TMEM132D: variants seen among roughly 807,000 people sequenced by gnomAD.
TMEM132D encodes the protein mature OL transmembrane protein.
In TMEM132D, 21 loss-of-function variants were observed where a neutral mutation model predicts 62.3. That is an observed-to-expected ratio of 0.34 (90% CI 0.24 to 0.49). The LOEUF (loss-of-function observed/expected upper bound fraction) is 0.49. Among genes scored for constraint, TMEM132D ranks in the 20% least tolerant of loss-of-function variants. The pLI is 0.99. For synonymous variants in TMEM132D, 621 were observed against 575.6 expected, an observed-to-expected ratio of 1.08 and a Z score of -1.13; for missense variants, 1,346 against 1,402.8, an observed-to-expected ratio of 0.96 and a Z score of 0.65.
At chr12:129,475,510 T>C (rs73151092) in intron 3 of TMEM132D, among the ~76,000 whole-genome samples, 136 of 152,366 alleles carry the variant, frequency 8.9e-4, no homozygotes, top group Non-Finnish European at 1.5e-3. Flanking sequence ...AAAAAGAGAA[T>C]GTGTTTTTAA....
At chr12:129,668,395 T>C (rs180786132) in intron 2 of TMEM132D, among the ~76,000 whole-genome samples, 2,227 of 151,568 alleles carry the variant, frequency 0.015, 46 homozygotes, top group African/African-American at 0.05. Context: ...TAGACTGTTG[T>C]CATCCCCAGA....
At chr12:129,831,004 C>T (rs1398016226) in intron 1 of TMEM132D, among the ~76,000 whole-genome samples, 1 of 152,134 alleles carries the variant, frequency 6.6e-6, no homozygotes, top group Admixed American at 6.6e-5. Flanking sequence ...TGGGCTCAGG[C>T]TAGGAGTTGG....
chr12:129,802,573 G>A (rs1412333621), intron 1 of TMEM132D, among the ~76,000 whole-genome samples: 14 of 99,286 alleles, frequency 1.4e-4, no homozygotes, highest in East Asian at 8.2e-4. Context: ...GGTACCAGCC[G>A]CTGCAAAATC....
intron 3 of TMEM132D, among the ~76,000 whole-genome samples, chr12:129,374,843 G>A (rs776692066): frequency 9.2e-5 from 14 of 152,178 alleles, no homozygotes; most frequent in Non-Finnish European, 1.3e-4. Context: ...CAGTGACTTC[G>A]AACACACTGG....
At chr12:129,112,627 C>T (rs945946200) in intron 5 of TMEM132D, among the ~76,000 whole-genome samples, 5 of 152,174 alleles carry the variant, frequency 3.3e-5, no homozygotes, top group African/African-American at 1.2e-4. Flanking sequence ...CATGCCGTTG[C>T]ACTCCAGCCT....
intron 1 of TMEM132D, among the ~76,000 whole-genome samples, chr12:129,891,280 A>G (rs1874914837): frequency 2.0e-5 from 3 of 152,114 alleles, no homozygotes; most frequent in African/African-American, 7.2e-5. Context: ...ATCAGACTCA[A>G]TGACCTCATC....
chr12:129,771,500 A>ATGCAGCTATTCATC, intron 1 of TMEM132D, among the ~76,000 whole-genome samples: 1 of 152,234 alleles, frequency 6.6e-6, no homozygotes, highest in East Asian at 1.9e-4. Flanking sequence ...ACTTGAATGG[A>ATGCAGCTATTCATC]TGCAGCTATT....
intron 1 of TMEM132D, among the ~76,000 whole-genome samples, chr12:129,823,025 A>G (rs1258596968): frequency 2.6e-5 from 4 of 152,186 alleles, no homozygotes; most frequent in Non-Finnish European, 5.9e-5. Flanking sequence ...CCATCCACTT[A>G]GAACTGTCCT....
chr12:129,186,876 T>C (rs10773604), intron 5 of TMEM132D, among the ~76,000 whole-genome samples: 67,640 of 152,168 alleles, frequency 0.44, 15,230 homozygotes, highest in East Asian at 0.59. Flanking sequence ...ATTTCAATTA[T>C]GAAATTTAAA....
rs1044565293 is a variant in TMEM132D at position 129,830,568 on chromosome 12, C to A, written c.79+72693G>T. ...AATGTCCCTGCCTTTCTGAATGGAA[C>A]CAGTATCCTTCTTCCATAAATTGAT... is the stretch of plus-strand genomic sequence containing the variant. On this transcript the variant is annotated intron_variant, in intron 1 of 8. Transcript: ENST00000422113. 6.6e-5 allele frequency among the ~76,000 whole-genome samples: 10 copies of A among 152,116 alleles called. 1 individual carries two copies. The highest frequency in any genetic ancestry group is 3.3e-4 in the Admixed American group (5 of 15,272).
At chr12:129,661,174 C>G (rs934039457) in intron 2 of TMEM132D, among the ~76,000 whole-genome samples, 1 of 152,034 alleles carries the variant, frequency 6.6e-6, no homozygotes, top group Non-Finnish European at 1.5e-5. Flanking sequence ...CCTGGGCTAA[C>G]GGGACCTCCC....
intron 7 of TMEM132D, among the ~76,000 whole-genome samples, chr12:129,080,040 T>TATTCTATAGGCATCTATAGGC (rs1593252878): frequency 1.3e-5 from 2 of 152,334 alleles, no homozygotes; most frequent in East Asian, 3.9e-4. Context: ...TGGGCATCAG[T>TATTCTATAGGCATCTATAGGC]ATCAGTTTAG....
chr12:129,394,338 G>A (rs980265796), intron 3 of TMEM132D, among the ~76,000 whole-genome samples: 14 of 152,306 alleles, frequency 9.2e-5, no homozygotes, highest in Admixed American at 7.8e-4. Flanking sequence ...AAGGGAGCCC[G>A]TGAGGACTGC....
intron 3 of TMEM132D, among the ~76,000 whole-genome samples, chr12:129,364,503 C>T (rs192965510): frequency 5.0e-4 from 76 of 152,274 alleles, no homozygotes; most frequent in Non-Finnish European, 8.5e-4. Flanking sequence ...TTTGGGGAGA[C>T]GTATAGCGTA....
intron 3 of TMEM132D, among the ~76,000 whole-genome samples, chr12:129,470,400 A>G (rs1874058707): frequency 6.6e-6 from 1 of 152,194 alleles, no homozygotes; most frequent in Non-Finnish European, 1.5e-5. Context: ...AGTTTATGTA[A>G]GAGAAACTCT....
intron 1 of TMEM132D, among the ~76,000 whole-genome samples, chr12:129,721,055 G>A (rs1868808113): frequency 6.6e-6 from 1 of 152,240 alleles, no homozygotes; most frequent in East Asian, 1.9e-4. Context: ...AGTCCCCTGA[G>A]GACATGGCAT....
At chr12:129,630,270 G>A (rs1879319715) in intron 2 of TMEM132D, among the ~76,000 whole-genome samples, 1 of 152,116 alleles carries the variant, frequency 6.6e-6, no homozygotes, top group African/African-American at 2.4e-5. Flanking sequence ...TGAACAGTGG[G>A]GCTAAATGTT....
chr12:129,667,346 G>T (rs928777177), intron 2 of TMEM132D, among the ~76,000 whole-genome samples: 2 of 152,124 alleles, frequency 1.3e-5, no homozygotes, highest in Admixed American at 6.6e-5. Context: ...AATGTTAAAA[G>T]ATAATGAAAG....
intron 4 of TMEM132D, among the ~76,000 whole-genome samples, chr12:129,321,452 A>C (rs1868702567): frequency 6.6e-6 from 1 of 152,188 alleles, no homozygotes; most frequent in Non-Finnish European, 1.5e-5. Context: ...AAAGCTTCTA[A>C]TATTCCATGT....
Sources: gnomAD v4.1 joint callset for allele counts (sites outside exome capture counted in the v4.1 genomes callset) on GRCh38, gnomAD v4.1.1 for gene constraint, MANE v1.5 for transcripts, NCBI Gene and HGNC (gene_info 2026-07-23, HGNC 2026-07-21) for gene names.